The following RAB44 variants were observed in gnomAD, a reference collection of about 807,000 sequenced individuals.
The protein encoded by RAB44 is RAB44, member RAS oncogene family.
In RAB44, 67 loss-of-function variants were observed where a neutral mutation model predicts 93.3. The observed-to-expected ratio is 0.72, with a 90% confidence interval of 0.59 to 0.88. The LOEUF (loss-of-function observed/expected upper bound fraction) is 0.88, where lower values mean the gene tolerates loss of function less well. Ranked by LOEUF, RAB44 falls within the 40% of genes least tolerant of loss-of-function variation. The probability of loss-of-function intolerance (pLI) is 0.00; values close to 1 mark genes in which losing one functional copy is unlikely to be tolerated. For synonymous variants in RAB44, 427 were observed against 520.3 expected (o/e 0.82, Z 2.44); for missense variants, 1,064 against 1,261.7 (o/e 0.84, Z 2.37).
intron 2 of RAB44, among the ~76,000 whole-genome samples, chr6:36,705,830 T>A: frequency 6.6e-6 from 1 of 152,078 alleles, no homozygotes; most frequent in East Asian, 1.9e-4. Context: ...AGAGACAGTA[T>A]TGAGACATTT....
chr6:36,709,124 T>G (rs1363290057), intron 2 of RAB44, among the ~76,000 whole-genome samples: 4 of 151,974 alleles, frequency 2.6e-5, no homozygotes, highest in Non-Finnish European at 4.4e-5. Context: ...TTTTTTATTT[T>G]TATTTTTAGT....
chr6:36,709,992 A>G (rs1268289294), intron 2 of RAB44, among the ~76,000 whole-genome samples: 4 of 152,276 alleles, frequency 2.6e-5, no homozygotes, highest in Non-Finnish European at 4.4e-5. Context: ...CCAACTTTCT[A>G]CAGCCTTGCA....
Position 36,725,944 on chromosome 6 carries a change from G to A in RAB44, c.2681+1G>A. On this transcript the variant is annotated splice_donor_variant, in intron 10 of 13. Coordinates refer to ENST00000612677, the MANE Select transcript of RAB44 (RefSeq NM_001257357.2). LOFTEE classifies it high-confidence loss of function. ...TCTGGGACACAGCTGGCCAAGAGAG[G>A]TAACAGGCACTGTATATCAGTGTGT... The A allele has an allele frequency of 6.5e-7, 1 of 1,550,108 alleles. No homozygotes were observed. The highest frequency in any genetic ancestry group is 8.7e-7 in the Non-Finnish European group (1 of 1,146,406).
chr6:36,722,154 C>G lies in RAB44; in HGVS notation c.2020C>G (p.Pro674Ala). ...AFPHQELEEEPRSEEGKQEGR... is the reference protein window; with the variant it reads ...AFPHQELEEEARSEEGKQEGR... The stretch of plus-strand genomic sequence containing the variant: ...CCCCCACCAGGAGCTGGAAGAGGAA[C>G]CCAGGTCTGAGGAAGGAAAACAAGA... The change falls in exon 9 of 14, where the codon CCC (proline) becomes GCC (alanine). Residue 674 changes from proline to alanine, a missense_variant. By Grantham distance (27) the Pro-to-Ala change is conservative. Transcript: ENST00000612677. 1 of 1,237,178 alleles carries G rather than the reference C, an allele frequency of 8.1e-7. No individual in the cohort carries two copies. Among genetic ancestry groups the G allele is most frequent in the Non-Finnish European group, 1.0e-6 (1 of 990,148 alleles). The allele number at this position is 1,237,178 out of a possible 1,614,324, so 76.6% of individuals were successfully genotyped here.
Position 36,717,156 on chromosome 6 carries a change from C to A in RAB44, c.495-117C>A. On this transcript the variant is annotated intron_variant, in intron 4 of 13. Transcript: ENST00000612677. This position sits in a 1 kb window ranked among gnomAD's most constrained non-coding sequence, Gnocchi z 4.1. ...CTTGTAGGGTGTCAATAGATTTGGC[C>A]CAGGTGCCAAAGTCTCTTGGAGCGC... 2 of 1,006,428 alleles carry A rather than the reference C, an allele frequency of 2.0e-6. No homozygotes were observed. Among genetic ancestry groups the A allele is most frequent in the Non-Finnish European group, 2.6e-6 (2 of 782,978 alleles). The allele number at this position is 1,006,428 out of a possible 1,614,324, so 62.3% of individuals were successfully genotyped here. A position where few individuals can be genotyped will look rare whatever the true frequency, so the allele number is the denominator to read the frequency against.
intron 10 of RAB44, among the ~76,000 whole-genome samples, chr6:36,726,459 G>T (rs1046883171): frequency 9.9e-5 from 15 of 152,098 alleles, no homozygotes; most frequent in Admixed American, 4.6e-4. Flanking sequence ...TGGCCAGGCT[G>T]GTCTCGAACT....
intron 12 of RAB44, 45 bp downstream of exon 12, chr6:36,728,846 G>A (rs1287474344): frequency 6.8e-7 from 1 of 1,462,448 alleles, no homozygotes; most frequent in Non-Finnish European, 9.4e-7. Context: ...GGACTGGGCA[G>A]ACACCTCCCT....
chr6:36,711,154 C>G (rs1055721669), intron 2 of RAB44, among the ~76,000 whole-genome samples: 12 of 152,102 alleles, frequency 7.9e-5, no homozygotes, highest in Admixed American at 6.5e-5. Flanking sequence ...ACCTAAGAAT[C>G]TTGGAAACTG....
At chr6:36,705,769 G>A (rs1762635132) in intron 2 of RAB44, among the ~76,000 whole-genome samples, 1 of 152,142 alleles carries the variant, frequency 6.6e-6, no homozygotes, top group Non-Finnish European at 1.5e-5. Context: ...TATTTCCATA[G>A]GAGCAACAAG....
At chr6:36,701,981 C>T (rs145331203) in intron 1 of RAB44, among the ~76,000 whole-genome samples, 44 of 152,098 alleles carry the variant, frequency 2.9e-4, no homozygotes, top group African/African-American at 8.4e-4. Flanking sequence ...AGCACTGTAC[C>T]GGCATTCAGT....
At chr6:36,705,864 T>A (rs1445321596) in intron 2 of RAB44, among the ~76,000 whole-genome samples, 1 of 152,016 alleles carries the variant, frequency 6.6e-6, no homozygotes, top group Non-Finnish European at 1.5e-5. Context: ...GACGCTTTCA[T>A]ACAGAATCTT....
intron 2 of RAB44, among the ~76,000 whole-genome samples, chr6:36,707,034 A>G (rs542251465): frequency 4.6e-5 from 7 of 152,238 alleles, no homozygotes; most frequent in Middle Eastern, 3.4e-3. Context: ...CAAAAGTATA[A>G]TCTGGCAGGG....
intron 9 of RAB44, among the ~76,000 whole-genome samples, chr6:36,723,859 A>C (rs938228056): frequency 1.3e-5 from 2 of 149,946 alleles, no homozygotes; most frequent in Non-Finnish European, 3.0e-5. Flanking sequence ...AAAAAAGCAA[A>C]CCCGAGGGAA....
In RAB44 at chr6:36,728,774, C is replaced by T. The variant is rs1046214762; in HGVS notation, c.2871C>T (p.Ser957=). The change falls in exon 12 of 14, where the codon TCC becomes TCT. Residue 957 remains serine (S), a synonymous_variant. Coordinates refer to ENST00000612677, the MANE Select transcript of RAB44 (RefSeq NM_001257357.2). ...ACTGTGAGGAGGAACGGCAAGTGTCCGTGGAAGCTGGGCAGCAACTGGCCC... is the reference window on the plus strand; with the variant it reads ...ACTGTGAGGAGGAACGGCAAGTGTCTGTGGAAGCTGGGCAGCAACTGGCCC... ...KMDCEEERQV[S]VEAGQQLAQE... 6 of 1,550,540 alleles carry T rather than the reference C, an allele frequency of 3.9e-6. No homozygotes were observed. Among genetic ancestry groups the T allele is most frequent in the South Asian group, 1.2e-5 (1 of 84,044 alleles).
intron 10 of RAB44, among the ~76,000 whole-genome samples, chr6:36,727,374 T>C (rs1211816416): frequency 3.3e-5 from 5 of 152,196 alleles, no homozygotes; most frequent in Non-Finnish European, 5.9e-5. Flanking sequence ...AGACTTTTCA[T>C]TGAGTTCTCC....
rs1306424408 is a variant in RAB44, at chr6:36,717,270, C to T, written c.495-3C>T. ...CCATCTCTGGCTGTCTTCCCCTCCC[C>T]AGGCAGATGGAAATCTGGCAACTGT... is the stretch of plus-strand genomic sequence containing the variant. On this transcript the variant is annotated splice_polypyrimidine_tract_variant and splice_region_variant and intron_variant, in intron 4 of 13. Transcript: ENST00000612677. The surrounding 1 kb of genome is among the most constrained non-coding windows in gnomAD (Gnocchi z 4.1). 7.3e-6 allele frequency: 9 copies of T among 1,232,034 alleles called. No individual in the cohort carries two copies. The African/African-American group carries it at 1.2e-4, about 17-fold the overall frequency. 76.3% of individuals were successfully genotyped at this position (1,232,034 alleles called of 1,614,324 possible).
intron 9 of RAB44, among the ~76,000 whole-genome samples, chr6:36,724,139 T>TTTTATTTA (rs35704587): frequency 0.033 from 4,824 of 146,442 alleles, 86 homozygotes; most frequent in South Asian, 0.053. Context: ...CATTATTTTA[T>TTTTATTTA]TTTATTTATT....
intron 2 of RAB44, among the ~76,000 whole-genome samples, chr6:36,712,544 T>G (rs990019333): frequency 6.6e-6 from 1 of 152,076 alleles, no homozygotes; most frequent in Non-Finnish European, 1.5e-5. Flanking sequence ...TTTGTATTTT[T>G]AGTAGAGACG....
chr6:36,712,815 T>C (rs11969665), intron 2 of RAB44, among the ~76,000 whole-genome samples: 22,699 of 152,064 alleles, frequency 0.15, 2,662 homozygotes, highest in African/African-American at 0.33. Context: ...AAATAGAACA[T>C]AAAGACCATC....
Sources: gnomAD v4.1 joint callset for allele counts (sites outside exome capture counted in the v4.1 genomes callset) on GRCh38, gnomAD v4.1.1 for gene constraint, Gnocchi (gnomAD v3.1) non-coding constraint, MANE v1.5 for transcripts, NCBI Gene and HGNC (gene_info 2026-07-23, HGNC 2026-07-21) for gene names.